The following LRMDA variants were observed in gnomAD, a reference collection of about 807,000 sequenced individuals.
The protein encoded by LRMDA is leucine rich melanocyte differentiation associated.
LRMDA carries 18 observed loss-of-function variants against 29.8 expected under a neutral mutation model. That is an observed-to-expected ratio of 0.60 (90% CI 0.42 to 0.90). The LOEUF is 0.90. LRMDA is among the 40% of genes least tolerant of loss of function. The pLI is 0.00. For synonymous variants in LRMDA, 125 were observed against 109.4 expected (o/e 1.14, Z -0.89); for missense variants, 273 against 273.9 (o/e 1.00, Z 0.02).
chr10:76,131,115 T>C (rs1167014882), intron 5 of LRMDA, among the ~76,000 whole-genome samples: 1 of 152,212 alleles, frequency 6.6e-6, no homozygotes. Context: ...TGCACCTTAA[T>C]GGGTGAGAGA....
intron 5 of LRMDA, among the ~76,000 whole-genome samples, chr10:76,146,358 T>A (rs1451208766): frequency 6.6e-6 from 1 of 151,958 alleles, no homozygotes; most frequent in African/African-American, 2.4e-5. Context: ...GGACTTGCTA[T>A]ATGAATCTGG....
intron 2 of LRMDA, among the ~76,000 whole-genome samples, chr10:75,590,726 CTTTTTTTTTTTTTTTTTTTTTTTTTTTTT>C (rs67966004): frequency 2.8e-5 from 2 of 71,384 alleles, no homozygotes; most frequent in Admixed American, 2.1e-4. Context: ...ATAAAATAGT[CTTTTTTTTTTTTTTTTTTTTTTTTTTTTT>C]TTTTTTTTTT....
intron 2 of LRMDA, among the ~76,000 whole-genome samples, chr10:75,947,657 A>C (rs1846499914): frequency 6.6e-6 from 1 of 152,198 alleles, no homozygotes; most frequent in Non-Finnish European, 1.5e-5. Flanking sequence ...AATGAGAATA[A>C]AAAGATTTTC....
intron 2 of LRMDA, among the ~76,000 whole-genome samples, chr10:75,728,191 G>A (rs1402158114): frequency 6.6e-6 from 1 of 152,142 alleles, no homozygotes; most frequent in Non-Finnish European, 1.5e-5. Flanking sequence ...TGCAAAGCCT[G>A]TGCTTTTTTC....
intron 2 of LRMDA, among the ~76,000 whole-genome samples, chr10:75,957,785 G>T (rs1385279535): frequency 6.6e-6 from 1 of 152,128 alleles, no homozygotes; most frequent in East Asian, 1.9e-4. Flanking sequence ...GACTGTGAGG[G>T]GAAAGAGCAG....
At chr10:75,654,685 G>C (rs1841645128) in intron 2 of LRMDA, among the ~76,000 whole-genome samples, 1 of 152,168 alleles carries the variant, frequency 6.6e-6, no homozygotes, top group Non-Finnish European at 1.5e-5. Context: ...GTGAACACCA[G>C]CATCACCGCA....
chr10:76,063,118 T>C (rs774909971), intron 5 of LRMDA, among the ~76,000 whole-genome samples: 1 of 152,250 alleles, frequency 6.6e-6, no homozygotes. Flanking sequence ...TACAGGCATG[T>C]ATACAAAGTT....
chr10:76,182,859 G>A (rs1851079269), intron 5 of LRMDA, among the ~76,000 whole-genome samples: 1 of 152,176 alleles, frequency 6.6e-6, no homozygotes, highest in Non-Finnish European at 1.5e-5. Context: ...GAGCTAAGGG[G>A]TGATGGTCCC....
At chr10:76,104,774 G>A (rs7895215) in intron 5 of LRMDA, among the ~76,000 whole-genome samples, 65,039 of 151,712 alleles carry the variant, frequency 0.43, 14,445 homozygotes, top group Non-Finnish European at 0.46. Flanking sequence ...ACGAAGGGCC[G>A]TGTTTGTGGC....
At chr10:76,408,330 C>G (rs1286727110) in intron 6 of LRMDA, among the ~76,000 whole-genome samples, 1 of 152,142 alleles carries the variant, frequency 6.6e-6, no homozygotes, top group Non-Finnish European at 1.5e-5. Flanking sequence ...GAATGGTCAT[C>G]TAACTATATA....
intron 2 of LRMDA, among the ~76,000 whole-genome samples, chr10:76,034,426 C>T (rs995098357): frequency 9.9e-5 from 15 of 152,122 alleles, no homozygotes; most frequent in African/African-American, 3.6e-4. Context: ...AAATGTGTCC[C>T]CCCTCGGTGG....
At chr10:75,590,428 C>T (rs1840708936) in intron 2 of LRMDA, among the ~76,000 whole-genome samples, 1 of 88,174 alleles carries the variant, frequency 1.1e-5, no homozygotes, top group African/African-American at 2.7e-5. Flanking sequence ...TTTATGGTTT[C>T]CTTAAAAAAA....
At chr10:75,491,636 G>A (rs61859952) in intron 2 of LRMDA, among the ~76,000 whole-genome samples, 10,858 of 152,230 alleles carry the variant, frequency 0.071, 520 homozygotes, top group Non-Finnish European at 0.11. Flanking sequence ...TGTGTAGTCA[G>A]CATTGTTTAT....
At chr10:76,007,007 TGTGTGTGTGTGTGTGTGTGTGTGTGC>T (rs1847677356) in intron 2 of LRMDA, among the ~76,000 whole-genome samples, 2 of 106,970 alleles carry the variant, frequency 1.9e-5, no homozygotes, top group Non-Finnish European at 4.0e-5. Flanking sequence ...TGTGTGTGTG[TGTGTGTGTGTGTGTGTGTGTGTGTGC>T]GCGTGTGTGT....
Position 76,297,221 on chromosome 10 carries a change from T to G in LRMDA, c.517-27180T>G, listed in dbSNP as rs546827389. Among the ~76,000 whole-genome samples the G allele has an allele frequency of 7.4e-4, 112 of 152,370 alleles. 1 individual carries two copies. The highest frequency in any genetic ancestry group is 1.4e-3 in the Non-Finnish European group (97 of 68,040). On this transcript the variant is annotated intron_variant, in intron 5 of 6. Coordinates refer to ENST00000611255, the MANE Select transcript of LRMDA (RefSeq NM_001305581.2). The stretch of plus-strand genomic sequence containing the variant: ...AGCATTACCAAAGTTCCCACTCACA[T>G]TGTAAATCGCAAATATTCCACTCTT...
At chr10:76,120,659 G>T (rs1849769531) in intron 5 of LRMDA, among the ~76,000 whole-genome samples, 1 of 152,136 alleles carries the variant, frequency 6.6e-6, no homozygotes, top group Non-Finnish European at 1.5e-5. Flanking sequence ...ATGATAGAAA[G>T]ACCAAAACAG....
At chr10:76,452,893 A>G (rs1229507323) in intron 6 of LRMDA, among the ~76,000 whole-genome samples, 1 of 152,154 alleles carries the variant, frequency 6.6e-6, no homozygotes, top group African/African-American at 2.4e-5. Context: ...TCCTAGTATA[A>G]GGGGTATTTC....
intron 5 of LRMDA, among the ~76,000 whole-genome samples, chr10:76,140,999 C>T (rs1850188140): frequency 6.6e-6 from 1 of 152,120 alleles, no homozygotes; most frequent in Non-Finnish European, 1.5e-5. Flanking sequence ...TCCCCCATCT[C>T]CCTCTCCCCT....
chr10:76,034,524 T>C (rs1390152767), intron 2 of LRMDA, among the ~76,000 whole-genome samples: 1 of 152,114 alleles, frequency 6.6e-6, no homozygotes, highest in Non-Finnish European at 1.5e-5. Flanking sequence ...GAATGGAACA[T>C]GCCGGCAGAG....
Sources: gnomAD v4.1 joint callset for allele counts (sites outside exome capture counted in the v4.1 genomes callset) on GRCh38, gnomAD v4.1.1 for gene constraint, MANE v1.5 for transcripts, NCBI Gene and HGNC (gene_info 2026-07-23, HGNC 2026-07-21) for gene names.